TFEC: variants seen among roughly 807,000 people sequenced by gnomAD.
TFEC encodes class E basic helix-loop-helix protein 34.
In TFEC, 31 loss-of-function variants were observed where a neutral mutation model predicts 41.6. The observed-to-expected ratio is 0.74, with a 90% CI of 0.56 to 1.01. TFEC has a LOEUF of 1.01. Among genes scored for constraint, TFEC ranks in the 50% least tolerant of loss-of-function variants. The probability of loss-of-function intolerance (pLI) is 0.00; values close to 1 mark genes in which losing one functional copy is unlikely to be tolerated. For missense variants in TFEC, 402 were observed against 404.1 expected (o/e 0.99, Z 0.04); for synonymous variants, 143 against 140.6 (o/e 1.02, Z -0.12).
chr7:116,082,336 G>A (rs978100269), intron 3 of TFEC, among the ~76,000 whole-genome samples: 4 of 151,894 alleles, frequency 2.6e-5, no homozygotes, highest in Admixed American at 6.6e-5. Flanking sequence ...GAGATAGGAG[G>A]ACCTTTTCCT....
intron 3 of TFEC, among the ~76,000 whole-genome samples, chr7:116,057,313 A>G (rs1257530172): frequency 6.6e-6 from 1 of 152,034 alleles, no homozygotes; most frequent in African/African-American, 2.4e-5. Flanking sequence ...AAGAAGCTAA[A>G]TTAACTCCAA....
At chr7:115,988,530 A>G (rs1793959259) in intron 1 of TFEC, among the ~76,000 whole-genome samples, 1 of 152,108 alleles carries the variant, frequency 6.6e-6, no homozygotes, top group South Asian at 2.1e-4. Flanking sequence ...AAGCAAAAAG[A>G]AAAAGCTTAA....
chr7:115,975,879 G>A (rs950503830), intron 2 of TFEC, among the ~76,000 whole-genome samples: 1 of 152,164 alleles, frequency 6.6e-6, no homozygotes, highest in Non-Finnish European at 1.5e-5. Flanking sequence ...TGGGAATAGA[G>A]CAGAGTGCGC....
rs114494687 is a variant in TFEC, at chr7:115,973,898, T to C, written c.267+272A>G. Among the ~76,000 whole-genome samples, 1,153 of 152,086 alleles carry C rather than the reference T, an allele frequency of 7.6e-3. 25 individuals are homozygous for C. The highest frequency in any genetic ancestry group is 0.026 in the African/African-American group (1,097 of 41,526). ...TAGAAAATCTAAAGATTAAATTCCT[T>C]ACAGAAAATGCTAGCAAATTAGATA... On this transcript the variant is annotated intron_variant, in intron 3 of 7. Transcript: ENST00000265440.
chr7:116,000,201 A>C (rs1051444130), intron 1 of TFEC, among the ~76,000 whole-genome samples: 1 of 152,176 alleles, frequency 6.6e-6, no homozygotes, highest in Non-Finnish European at 1.5e-5. Context: ...AACAGAATGA[A>C]GAACAAAGAC....
rs532424444 is a variant in TFEC, at chr7:116,109,650, T to C, written c.198+1058A>G. ...TGGGACTGTAAACTAGTTCAACCAT[T>C]GTGGAAGACAGTGTGGTGATTCCTC... On this transcript the variant is annotated intron_variant, in intron 3 of 8. Transcript: ENST00000484212. 9.1e-3 allele frequency among the ~76,000 whole-genome samples: 1,380 copies of C among 152,316 alleles called. 21 individuals carry two copies. Among genetic ancestry groups the C allele is most frequent in the African/African-American group, 0.031 (1,294 of 41,568 alleles).
chr7:115,946,912 GT>G (rs993100507), intron 6 of TFEC, among the ~76,000 whole-genome samples: 7 of 150,132 alleles, frequency 4.7e-5, no homozygotes, highest in Admixed American at 1.3e-4. Context: ...AAAGTTCTCA[GT>G]TTTTTTTTAA....
chr7:115,963,123 T>C lies in TFEC; in HGVS notation c.268-6330A>G, dbSNP rs144115416. Among the ~76,000 whole-genome samples the C allele has an allele frequency of 3.2e-3, 481 of 151,868 alleles. 1 individual carries two copies. The highest frequency in any genetic ancestry group is 5.0e-3 in the Non-Finnish European group (336 of 67,840). ...AGTGTTTGGTTTTCTGTCCTTGTGA[T>C]AGTTTGCTTAGAATGATGACAACCC... is the stretch of plus-strand genomic sequence containing the variant. On this transcript the variant is annotated intron_variant, in intron 3 of 7. Coordinates refer to ENST00000265440, the MANE Select transcript of TFEC (RefSeq NM_012252.4).
chr7:116,041,361 T>G (rs1796033356), intron 3 of TFEC, among the ~76,000 whole-genome samples: 2 of 152,100 alleles, frequency 1.3e-5, no homozygotes, highest in Non-Finnish European at 2.9e-5. Flanking sequence ...ATAAGCACAA[T>G]TCTATTGAAA....
intron 1 of TFEC, among the ~76,000 whole-genome samples, chr7:115,998,854 AGAGAG>A (rs1330875324): frequency 1.6e-5 from 1 of 61,882 alleles, no homozygotes; most frequent in Admixed American, 1.5e-4. Context: ...AGCGCTAAAG[AGAGAG>A]AGAGCAACCC....
Position 116,089,607 on chromosome 7 carries a change from G to GTATA in TFEC, c.198+21097_198+21100dup, listed in dbSNP as rs10641524. Reference sequence around the variant, plus strand: ...TAAGCAAGTGAACTTAAGAATGTAAGTATATATATGTATATATAAAACCTC... The same window carrying GTATA: ...TAAGCAAGTGAACTTAAGAATGTAAGTATATATATATATGTATATATAAAACCTC... On this transcript the variant is annotated intron_variant, in intron 3 of 8. Coordinates refer to the TFEC transcript ENST00000484212. Among the ~76,000 whole-genome samples, 702 of 151,512 alleles carry GTATA rather than the reference G, an allele frequency of 4.6e-3. 3 individuals are homozygous for GTATA. The highest frequency in any genetic ancestry group is 0.015 in the African/African-American group (626 of 41,224).
At chr7:115,963,859 G>A (rs1203460135) in intron 3 of TFEC, among the ~76,000 whole-genome samples, 1 of 151,608 alleles carries the variant, frequency 6.6e-6, no homozygotes, top group Non-Finnish European at 1.5e-5. Context: ...TATACATTAT[G>A]AATGTACTTA....
chr7:116,035,245 C>T (rs924743220), upstream of TFEC, among the ~76,000 whole-genome samples: 5 of 151,954 alleles, frequency 3.3e-5, no homozygotes, highest in African/African-American at 1.2e-4. Context: ...GTCTTCTCAA[C>T]TAAATCTGAG....
At chr7:116,062,558 C>T (rs1194092482) in intron 3 of TFEC, among the ~76,000 whole-genome samples, 2 of 61,680 alleles carry the variant, frequency 3.2e-5, no homozygotes, top group Non-Finnish European at 6.1e-5. Flanking sequence ...CTGAGTAGTA[C>T]TCATATATAT....
At chr7:115,974,437 TATATATATATATAA>T (rs770098552) in intron 2 of TFEC, among the ~76,000 whole-genome samples, 181 bp from the exon 3 acceptor site, 16,223 of 77,268 alleles carry the variant, frequency 0.21, 2,392 homozygotes, top group Non-Finnish European at 0.25. Flanking sequence ...TATATATATA[TATATATATATATAA>T]AAACACAGAT....
chr7:115,972,687 G>A (rs1793187488), intron 3 of TFEC, among the ~76,000 whole-genome samples: 4 of 152,050 alleles, frequency 2.6e-5, no homozygotes, highest in Admixed American at 1.3e-4. Flanking sequence ...ATTTCTTTAT[G>A]TAAATACACT....
chr7:116,123,144 T>C (rs73462594), intron 1 of TFEC, among the ~76,000 whole-genome samples: 1 of 152,234 alleles, frequency 6.6e-6, no homozygotes, highest in African/African-American at 2.4e-5. Context: ...CACATTTTTT[T>C]AAAAAACTAC....
intron 3 of TFEC, among the ~76,000 whole-genome samples, chr7:115,971,775 A>G (rs1332788417): frequency 2.6e-5 from 4 of 152,100 alleles, no homozygotes; most frequent in Non-Finnish European, 5.9e-5. Flanking sequence ...AAGTGTATGC[A>G]TGGCTGGGAA....
At chr7:116,067,414 T>C (rs1171205138) in intron 3 of TFEC, among the ~76,000 whole-genome samples, 1 of 151,946 alleles carries the variant, frequency 6.6e-6, no homozygotes, top group Non-Finnish European at 1.5e-5. Flanking sequence ...CTCTGTATTA[T>C]AAAACAGAAG....
Sources: gnomAD v4.1 joint callset for allele counts (sites outside exome capture counted in the v4.1 genomes callset) on GRCh38, gnomAD v4.1.1 for gene constraint, MANE v1.5 for transcripts, NCBI Gene and HGNC (gene_info 2026-07-23, HGNC 2026-07-21) for gene names.